RBFOX1: variants seen among roughly 807,000 people sequenced by gnomAD.
The protein encoded by RBFOX1 is RNA binding protein fox-1 homolog 1.
Under a neutral mutation model 57.7 loss-of-function variants are expected in RBFOX1, and 8 were observed. The observed-to-expected ratio is 0.14, with a 90% confidence interval of 0.08 to 0.25. RBFOX1 has a LOEUF of 0.25. Ranked by LOEUF, RBFOX1 falls within the 10% of genes least tolerant of loss-of-function variation. The pLI is 1.00. For missense variants in RBFOX1, 611 were observed against 548.5 expected, an observed-to-expected ratio of 1.11 and a Z score of -1.14; for synonymous variants, 326 against 222.4, an observed-to-expected ratio of 1.47 and a Z score of -4.15.
chr16:6,158,299 C>G (rs2096852975), intron 1 of RBFOX1, among the ~76,000 whole-genome samples: 1 of 152,144 alleles, frequency 6.6e-6, no homozygotes, highest in African/African-American at 2.4e-5. Context: ...ACAGGCGATG[C>G]ACCTACAGCA....
At chr16:5,779,068 T>C (rs773181819) in intron 3 of RBFOX1, among the ~76,000 whole-genome samples, 7 of 152,208 alleles carry the variant, frequency 4.6e-5, no homozygotes, top group Non-Finnish European at 7.3e-5. Flanking sequence ...CTCCAAGTTA[T>C]GAACCATGCT....
chr16:7,530,233 GAACCCAAT>G (rs1272228546), intron 5 of RBFOX1, among the ~76,000 whole-genome samples: 1 of 152,108 alleles, frequency 6.6e-6, no homozygotes, highest in Non-Finnish European at 1.5e-5. Context: ...TATCACAGCA[GAACCCAAT>G]GTAAGGATGT....
At chr16:6,665,247 C>T (rs1033028372) in intron 3 of RBFOX1, among the ~76,000 whole-genome samples, 3 of 152,064 alleles carry the variant, frequency 2.0e-5, no homozygotes, top group Admixed American at 2.0e-4. Context: ...GGGCGATGTC[C>T]CTCTTGTTTG....
intron 4 of RBFOX1, among the ~76,000 whole-genome samples, chr16:7,181,018 G>A (rs1260455304): frequency 6.6e-6 from 1 of 152,198 alleles, no homozygotes; most frequent in Non-Finnish European, 1.5e-5. Flanking sequence ...GAATGTTGCG[G>A]CATTGCAGTA....
intron 2 of RBFOX1, among the ~76,000 whole-genome samples, chr16:6,407,841 G>C (rs12921216): frequency 0.44 from 66,448 of 151,930 alleles, 15,370 homozygotes; most frequent in Non-Finnish European, 0.5. Context: ...GACCGTAGGT[G>C]TGGACCCCAG....
At chr16:6,541,047 G>T (rs984807188) in intron 2 of RBFOX1, among the ~76,000 whole-genome samples, 1 of 152,166 alleles carries the variant, frequency 6.6e-6, no homozygotes, top group Non-Finnish European at 1.5e-5. Context: ...GGGATCCTAG[G>T]ATAATGCTAC....
At chr16:6,365,456 GTGAATGGATGGGTGGGTGGA>G (rs1236424336) in intron 2 of RBFOX1, among the ~76,000 whole-genome samples, 2 of 138,992 alleles carry the variant, frequency 1.4e-5, no homozygotes, top group African/African-American at 6.4e-5. Flanking sequence ...GGGTGGATGG[GTGAATGGATGGGTGGGTGGA>G]TGGGTAGGTG....
intron 3 of RBFOX1, among the ~76,000 whole-genome samples, chr16:6,974,336 C>CTTTTTT (rs59299498): frequency 6.1e-3 from 360 of 58,666 alleles, no homozygotes; most frequent in East Asian, 8.2e-3. Flanking sequence ...TTTTCTTTTT[C>CTTTTTT]TTTTTTTTTT....
chr16:5,676,229 G>T (rs559972828), intron 3 of RBFOX1, among the ~76,000 whole-genome samples: 12 of 151,314 alleles, frequency 7.9e-5, no homozygotes, highest in African/African-American at 1.2e-4. Flanking sequence ...GCACGTTCTG[G>T]TATTCCAGAA....
intron 4 of RBFOX1, among the ~76,000 whole-genome samples, chr16:7,260,341 G>A (rs1415591799): frequency 5.3e-5 from 8 of 152,102 alleles, no homozygotes; most frequent in Non-Finnish European, 1.2e-4. Flanking sequence ...TGTGTGTTTT[G>A]TTAAAATTTT....
intron 11 of RBFOX1, among the ~76,000 whole-genome samples, chr16:7,650,230 A>C (rs1397015870): frequency 6.6e-6 from 1 of 152,146 alleles, no homozygotes; most frequent in African/African-American, 2.4e-5. Flanking sequence ...AGACCACTGA[A>C]AATACCAACC....
chr16:6,175,180 T>G (rs970238300), intron 1 of RBFOX1, among the ~76,000 whole-genome samples: 1 of 152,186 alleles, frequency 6.6e-6, no homozygotes, highest in African/African-American at 2.4e-5. Context: ...TTCATATTCA[T>G]AAGCAAATAG....
At position 7,525,449 on chromosome 16, in the gene RBFOX1, G is replaced by A. The variant is rs539640248; in HGVS notation, c.270+7060G>A. 1.3e-3 allele frequency among the ~76,000 whole-genome samples: 202 copies of A among 152,264 alleles called. 1 individual carries two copies. The highest frequency in any genetic ancestry group is 4.6e-3 in the African/African-American group (190 of 41,560). ...TCTCCATCTCTGTTTGCCTCTGGGT[G>A]TGAATGGCTAAAAGGTACATGGACT... On this transcript the variant is annotated intron_variant, in intron 5 of 15. Coordinates refer to ENST00000550418, the MANE Select transcript of RBFOX1 (RefSeq NM_018723.4).
chr16:6,179,307 C>T (rs989120342), intron 1 of RBFOX1, among the ~76,000 whole-genome samples: 1 of 152,170 alleles, frequency 6.6e-6, no homozygotes, highest in Non-Finnish European at 1.5e-5. Flanking sequence ...GGTAGCTTTA[C>T]TTTCTAGAAG....
intron 4 of RBFOX1, among the ~76,000 whole-genome samples, chr16:7,370,396 C>T (rs2147264141): frequency 6.6e-6 from 1 of 152,264 alleles, no homozygotes; most frequent in East Asian, 1.9e-4. Flanking sequence ...GTGTGTGACT[C>T]CTGTAACTGA....
chr16:6,843,709 TA>T (rs1160126329), intron 3 of RBFOX1, among the ~76,000 whole-genome samples: 1 of 151,988 alleles, frequency 6.6e-6, no homozygotes, highest in Non-Finnish European at 1.5e-5. Context: ...AGTAAAATTA[TA>T]AAAAAGCTTT....
At chr16:5,445,170 A>G (rs1053235338) in intron 1 of RBFOX1, among the ~76,000 whole-genome samples, 4 of 152,194 alleles carry the variant, frequency 2.6e-5, no homozygotes, top group African/African-American at 9.7e-5. Flanking sequence ...CTTTAAGCAG[A>G]GTGACTTGGT....
chr16:6,781,031 C>G (rs773084260), intron 3 of RBFOX1, among the ~76,000 whole-genome samples: 6 of 152,080 alleles, frequency 3.9e-5, no homozygotes, highest in Non-Finnish European at 8.8e-5. Flanking sequence ...GCTTTGGTTA[C>G]CTGTGCATTT....
At chr16:6,951,122 G>C (rs1052100323) in intron 3 of RBFOX1, among the ~76,000 whole-genome samples, 4 of 152,046 alleles carry the variant, frequency 2.6e-5, no homozygotes, top group Admixed American at 2.6e-4. Flanking sequence ...GCCCAGGCTG[G>C]TCTTAAACTC....
Sources: gnomAD v4.1 joint callset for allele counts (sites outside exome capture counted in the v4.1 genomes callset) on GRCh38, gnomAD v4.1.1 for gene constraint, MANE v1.5 for transcripts, NCBI Gene and HGNC (gene_info 2026-07-23, HGNC 2026-07-21) for gene names.